The following ILDR2 variants were observed in gnomAD, a reference collection of about 807,000 sequenced individuals.
The protein encoded by ILDR2 is immunoglobulin like domain containing receptor 2, also known as immunoglobulin-like domain-containing receptor 2.
ILDR2 carries 25 observed loss-of-function variants against 66.8 expected under a neutral mutation model. That is an observed-to-expected ratio of 0.37 (90% CI 0.27 to 0.52). The LOEUF (loss-of-function observed/expected upper bound fraction) is 0.52, where lower values mean the gene tolerates loss of function less well. Among genes scored for constraint, ILDR2 ranks in the 20% least tolerant of loss-of-function variants. ILDR2 has a pLI of 0.88. For missense variants in ILDR2, 827 were observed against 876.8 expected, an observed-to-expected ratio of 0.94 and a Z score of 0.72; for synonymous variants, 367 against 357.2, an observed-to-expected ratio of 1.03 and a Z score of -0.31.
intron 3 of ILDR2, among the ~76,000 whole-genome samples, chr1:166,955,953 T>G (rs1459354557): frequency 6.6e-6 from 1 of 152,226 alleles, no homozygotes. Flanking sequence ...ATGCAGTTTC[T>G]TTTCTTATTT....
chr1:166,950,320 G>A (rs1218493603), intron 3 of ILDR2, among the ~76,000 whole-genome samples: 1 of 152,202 alleles, frequency 6.6e-6, no homozygotes, highest in Admixed American at 6.5e-5. Context: ...CAAGGAGGCT[G>A]TTGCCATGGG....
At chr1:166,972,384 A>C (rs888977133) in intron 1 of ILDR2, among the ~76,000 whole-genome samples, 5 of 152,270 alleles carry the variant, frequency 3.3e-5, no homozygotes, top group South Asian at 4.2e-4. Context: ...AAAGGATAAA[A>C]CACCACCCAT....
intron 3 of ILDR2, among the ~76,000 whole-genome samples, chr1:166,951,028 T>C (rs936809754): frequency 1.3e-5 from 2 of 152,196 alleles, no homozygotes; most frequent in Non-Finnish European, 2.9e-5. Flanking sequence ...TTCATGTTTG[T>C]TATTTGCCTG....
intron 2 of ILDR2, among the ~76,000 whole-genome samples, chr1:166,901,735 C>T (rs1478863105): frequency 6.6e-6 from 1 of 152,204 alleles, no homozygotes; most frequent in Non-Finnish European, 1.5e-5. Flanking sequence ...TTTCTGCCTT[C>T]TTCCCTAGTT....
chr1:166,921,452 C>G lies in ILDR2; in HGVS notation c.1212-73G>C, dbSNP rs950312132. On this transcript the variant is annotated intron_variant, in intron 8 of 9. Coordinates refer to ENST00000271417, the MANE Select transcript of ILDR2 (RefSeq NM_199351.3). This position sits in a 1 kb window ranked among gnomAD's most constrained non-coding sequence, Gnocchi z 5.3. ...CTCCAGGTAGGGCTCCCAAGAGCAC[C>G]CATCGTGTCCTGGGGCCACGCTCAG... is the stretch of plus-strand genomic sequence containing the variant. 6 of 1,302,074 alleles carry G rather than the reference C, an allele frequency of 4.6e-6. No individual in the cohort carries two copies. Among genetic ancestry groups the G allele is most frequent in the Non-Finnish European group, 6.2e-6 (6 of 962,326 alleles). The allele number at this position is 1,302,074 out of a possible 1,614,324, so 80.7% of individuals were successfully genotyped here.
At chr1:166,955,954 T>C (rs1662256365) in intron 3 of ILDR2, among the ~76,000 whole-genome samples, 1 of 152,216 alleles carries the variant, frequency 6.6e-6, no homozygotes, top group African/African-American at 2.4e-5. Context: ...TGCAGTTTCT[T>C]TTCTTATTTC....
exon 3 of ILDR2, chr1:166,895,744 G>A (rs1659152110): frequency 6.6e-6 from 1 of 152,144 alleles, no homozygotes; most frequent in Non-Finnish European, 1.5e-5. Flanking sequence ...TATGAACATG[G>A]GAGGCTTTGG....
intron 1 of ILDR2, among the ~76,000 whole-genome samples, chr1:166,964,196 C>T (rs980721780): frequency 6.6e-6 from 1 of 151,124 alleles, no homozygotes; most frequent in Non-Finnish European, 1.5e-5. Flanking sequence ...AATTGAAGAC[C>T]ACAGGTGGTT....
rs1013740209 is a variant in ILDR2, at chr1:166,914,979, G to A, written c.*4376C>T. 2 of 152,176 alleles carry A rather than the reference G, an allele frequency of 1.3e-5. No homozygotes were observed. Among genetic ancestry groups the A allele is most frequent in the Non-Finnish European group, 2.9e-5 (2 of 68,020 alleles). 9.4% of individuals were successfully genotyped at this position (152,176 alleles called of 1,614,324 possible). A position where few individuals can be genotyped will look rare whatever the true frequency, so the allele number is the denominator to read the frequency against. On this transcript the variant is annotated 3_prime_UTR_variant, in exon 10 of 10. Coordinates refer to ENST00000271417, the MANE Select transcript of ILDR2 (RefSeq NM_199351.3). Reference sequence around the variant, plus strand: ...GGCCAGTCATCCTTATGATTTGTATGCTTTATAAAATGATTGAGTTTTTCT... The same window carrying A: ...GGCCAGTCATCCTTATGATTTGTATACTTTATAAAATGATTGAGTTTTTCT...
intron 3 of ILDR2, 35 bp from the exon 4 acceptor site, chr1:166,939,605 G>T: frequency 6.2e-7 from 1 of 1,600,804 alleles, no homozygotes; most frequent in Non-Finnish European, 8.6e-7. Context: ...GAAGGAAAGT[G>T]GTTATTCCAA....
At chr1:166,919,487 T>G in intron 9 of ILDR2, 97 bp from the exon 10 acceptor site, 1 of 1,104,472 alleles carries the variant, frequency 9.1e-7, no homozygotes, top group Non-Finnish European at 1.3e-6. Context: ...CACAACCCGT[T>G]CAGTGCCAGG....
At position 166,950,586 on chromosome 1, in the gene ILDR2, A is replaced by G. The variant is rs532411854; in HGVS notation, c.499+6147T>C. Reference sequence around the variant, plus strand: ...CTCCCATTAAACATCCCTAAAGTCAATCGCAAATTCTGAGACGTCCCCTCC... The same window carrying G: ...CTCCCATTAAACATCCCTAAAGTCAGTCGCAAATTCTGAGACGTCCCCTCC... On this transcript the variant is annotated intron_variant, in intron 3 of 9. Coordinates refer to ENST00000271417, the MANE Select transcript of ILDR2 (RefSeq NM_199351.3). 4.1e-4 allele frequency among the ~76,000 whole-genome samples: 62 copies of G among 152,272 alleles called. 1 individual carries two copies. Among genetic ancestry groups the G allele is most frequent in the Admixed American group, 2.4e-3 (36 of 15,298 alleles).
rs1256888603 is a variant in ILDR2, at chr1:166,920,760, G to A, written c.1831C>T (p.Pro611Ser). ...TTCTTCTCCGAGTTGCTGTGGTAGG[G>A]CAGGTCGCGGCCGCGGTAGGACGGG... is the stretch of plus-strand genomic sequence containing the variant. ...RGPSYRGRDL[P>S]YHSNSEKKRK... Residue 611 changes from proline to serine, a missense_variant, in exon 9 of 10, where the codon CCC becomes TCC. By Grantham distance (74) the Pro-to-Ser change is moderately conservative. Coordinates refer to ENST00000271417, the MANE Select transcript of ILDR2 (RefSeq NM_199351.3). 1 of 1,490,524 alleles carries A rather than the reference G, an allele frequency of 6.7e-7. No individual in the cohort carries two copies. Among genetic ancestry groups the A allele is most frequent in the Non-Finnish European group, 8.9e-7 (1 of 1,120,200 alleles). The allele number at this position is 1,490,524 out of a possible 1,614,324, so 92.3% of individuals were successfully genotyped here.
chr1:166,965,946 G>A (rs1662925720), intron 1 of ILDR2, among the ~76,000 whole-genome samples: 1 of 152,058 alleles, frequency 6.6e-6, no homozygotes, highest in African/African-American at 2.4e-5. Flanking sequence ...CTCTGAGTTT[G>A]GTCATAATTC....
chr1:166,904,109 A>G (rs1428395125), downstream of ILDR2, among the ~76,000 whole-genome samples: 2 of 152,224 alleles, frequency 1.3e-5, no homozygotes, highest in Non-Finnish European at 2.9e-5. Context: ...GCTCAGTGCC[A>G]AACCATTGTA....
In ILDR2 at chr1:166,920,781, A is replaced by G; in HGVS notation, c.1810T>C (p.Ser604Pro). 1 of 1,520,772 alleles carries G rather than the reference A, an allele frequency of 6.6e-7. No homozygotes were observed. The highest frequency in any genetic ancestry group is 1.4e-5 in the African/African-American group (1 of 70,098). The allele number at this position is 1,520,772 out of a possible 1,614,324, so 94.2% of individuals were successfully genotyped here. The change falls in exon 9 of 10, where the codon TCC becomes CCC. Residue 604 changes from serine (S) to proline (P), a missense_variant. Physicochemically the swap from Ser to Pro is moderately conservative, Grantham distance 74. Coordinates refer to ENST00000271417, the MANE Select transcript of ILDR2 (RefSeq NM_199351.3). ...TAGGGCAGGTCGCGGCCGCGGTAGG[A>G]CGGGCCGCGGGTCAGCTCCAGCTCG... ...YSELELTRGP[S>P]YRGRDLPYHS...
In ILDR2 at chr1:166,913,411, C is replaced by T. The variant is rs572756179; in HGVS notation, c.*5944G>A. Reference sequence around the variant, plus strand: ...CCCTCCTACTCCCTTGTTCTTTATTCTCACACAGCAAATTTCTTATGCAGT... The same window carrying T: ...CCCTCCTACTCCCTTGTTCTTTATTTTCACACAGCAAATTTCTTATGCAGT... On this transcript the variant is annotated 3_prime_UTR_variant, in exon 10 of 10. Transcript: ENST00000271417. 2.0e-5 allele frequency: 3 copies of T among 152,262 alleles called. No individual in the cohort carries two copies. Among genetic ancestry groups the T allele is most frequent in the South Asian group, 4.1e-4 (2 of 4,822 alleles). 9.4% of individuals were successfully genotyped at this position (152,262 alleles called of 1,614,324 possible). A position where few individuals can be genotyped will look rare whatever the true frequency, so the allele number is the denominator to read the frequency against.
chr1:166,901,988 G>A (rs1397203866), intron 2 of ILDR2, among the ~76,000 whole-genome samples: 1 of 152,200 alleles, frequency 6.6e-6, no homozygotes, highest in Non-Finnish European at 1.5e-5. Flanking sequence ...AGCCTCCCGA[G>A]TAGCAGGGAT....
chr1:166,939,450 T>C (rs938832373), intron 4 of ILDR2, 64 bp downstream of exon 4: 96 of 1,360,724 alleles, frequency 7.1e-5, no homozygotes, highest in Non-Finnish European at 9.4e-5. Flanking sequence ...TAGCGACTAA[T>C]GCAGAAGCAA....
Sources: gnomAD v4.1 joint callset for allele counts (sites outside exome capture counted in the v4.1 genomes callset) on GRCh38, gnomAD v4.1.1 for gene constraint, Gnocchi (gnomAD v3.1) non-coding constraint, MANE v1.5 for transcripts, NCBI Gene and HGNC (gene_info 2026-07-23, HGNC 2026-07-21) for gene names.